Variants in CTNND2 observed in about 807,000 individuals in gnomAD.
The protein encoded by CTNND2 is catenin delta 2, also known as catenin delta-2.
CTNND2 carries 22 observed loss-of-function variants against 144.4 expected under a neutral mutation model. The ratio of observed to expected loss-of-function variants is 0.15; its 90% CI spans 0.11 to 0.22. CTNND2 has a LOEUF of 0.22. Among genes scored for constraint, CTNND2 ranks in the 10% least tolerant of loss-of-function variants. The pLI is 1.00. For missense variants in CTNND2, 1,353 were observed against 1,618.8 expected, an observed-to-expected ratio of 0.84 and a Z score of 2.82; for synonymous variants, 751 against 695.6, an observed-to-expected ratio of 1.08 and a Z score of -1.25.
intron 6 of CTNND2, among the ~76,000 whole-genome samples, chr5:11,389,913 C>T (rs1759482169): frequency 6.6e-6 from 1 of 152,194 alleles, no homozygotes; most frequent in Admixed American, 6.5e-5. Flanking sequence ...AACTTACCTT[C>T]AGGCTATGAG....
At chr5:11,474,891 T>G (rs1232735899) in intron 3 of CTNND2, among the ~76,000 whole-genome samples, 1 of 152,186 alleles carries the variant, frequency 6.6e-6, no homozygotes, top group Non-Finnish European at 1.5e-5. Flanking sequence ...CCGCCCTATG[T>G]ACACCTGCCC....
At chr5:11,213,436 G>A (rs1738848204) in intron 10 of CTNND2, among the ~76,000 whole-genome samples, 1 of 152,132 alleles carries the variant, frequency 6.6e-6, no homozygotes, top group South Asian at 2.1e-4. Flanking sequence ...AAAGAAAGCT[G>A]TTACCAGGGA....
At chr5:11,378,704 G>A (rs193222328) in intron 7 of CTNND2, among the ~76,000 whole-genome samples, 4 of 152,216 alleles carry the variant, frequency 2.6e-5, no homozygotes, top group African/African-American at 7.2e-5. Flanking sequence ...AAACAAACTC[G>A]TTCATTACCC....
At chr5:11,728,181 C>T (rs1787126561) in intron 2 of CTNND2, among the ~76,000 whole-genome samples, 1 of 151,938 alleles carries the variant, frequency 6.6e-6, no homozygotes, top group Admixed American at 6.6e-5. Context: ...AGTGAAAGCC[C>T]AGAAATGTCA....
At chr5:11,347,327 A>G (rs1266081040) in intron 8 of CTNND2, among the ~76,000 whole-genome samples, 2 of 152,212 alleles carry the variant, frequency 1.3e-5, no homozygotes, top group Non-Finnish European at 2.9e-5. Flanking sequence ...AGGCAGACAA[A>G]ATAAGGAGCT....
intron 1 of CTNND2, among the ~76,000 whole-genome samples, chr5:11,763,999 AAGTT>A (rs913716047): frequency 3.3e-5 from 5 of 152,078 alleles, no homozygotes; most frequent in East Asian, 1.9e-4. Flanking sequence ...GGGCACATGA[AAGTT>A]AGGTTTCTAA....
chr5:11,696,900 A>G (rs1484395301), intron 2 of CTNND2, among the ~76,000 whole-genome samples: 2 of 152,198 alleles, frequency 1.3e-5, no homozygotes, highest in Non-Finnish European at 2.9e-5. Flanking sequence ...TTAAAGATAC[A>G]TTTTTGCCCT....
At chr5:11,901,716 T>C (rs534401428) in intron 1 of CTNND2, among the ~76,000 whole-genome samples, 19 of 152,266 alleles carry the variant, frequency 1.2e-4, no homozygotes, top group East Asian at 3.9e-4. Flanking sequence ...AATCAGATAA[T>C]ATCATTTTCA....
At chr5:11,190,763 G>T (rs1228590286) in intron 11 of CTNND2, among the ~76,000 whole-genome samples, 1 of 152,170 alleles carries the variant, frequency 6.6e-6, no homozygotes. Flanking sequence ...GAGACCTAGG[G>T]CCTACAAGCT....
chr5:11,389,623 G>T (rs1561321853), intron 6 of CTNND2, among the ~76,000 whole-genome samples: 1 of 152,060 alleles, frequency 6.6e-6, no homozygotes, highest in Non-Finnish European at 1.5e-5. Flanking sequence ...GAAATGGGAA[G>T]TTAGGGAATA....
rs934320913 is a variant in CTNND2, at chr5:10,972,877, T to C, written c.*576A>G. The C allele has an allele frequency of 2.0e-5, 3 of 152,278 alleles. No homozygotes were observed. The highest frequency in any genetic ancestry group is 2.4e-5 in the African/African-American group (1 of 41,296). 9.4% of individuals were successfully genotyped at this position (152,278 alleles called of 1,614,324 possible). ...GAAATTGAAGCAATATTTAGAACCA[T>C]AGATGAGGAAACACGGCGGCATTGG... is the stretch of plus-strand genomic sequence containing the variant. On this transcript the variant is annotated 3_prime_UTR_variant, in exon 22 of 22. Coordinates refer to ENST00000304623, the MANE Select transcript of CTNND2 (RefSeq NM_001332.4).
At chr5:11,771,781 T>A (rs1368634025) in intron 1 of CTNND2, among the ~76,000 whole-genome samples, 2 of 152,220 alleles carry the variant, frequency 1.3e-5, no homozygotes, top group Non-Finnish European at 2.9e-5. Context: ...TTAAAAGAGA[T>A]TAGAATGGAA....
rs563012544 is a variant in CTNND2 at position 11,514,156 on chromosome 5, G to C, written c.287+50788C>G. Among the ~76,000 whole-genome samples, 65 of 151,594 alleles carry C rather than the reference G, an allele frequency of 4.3e-4. 1 individual carries two copies. In the South Asian group the frequency reaches 5.8e-3, roughly 14 times the overall value. On this transcript the variant is annotated intron_variant, in intron 3 of 21. Coordinates refer to ENST00000304623, the MANE Select transcript of CTNND2 (RefSeq NM_001332.4). ...GCTATGATCATGCCACTGCATTGTAGCCTGGACAACACAGCAAGACCCTGT... is the reference window on the plus strand; with the variant it reads ...GCTATGATCATGCCACTGCATTGTACCCTGGACAACACAGCAAGACCCTGT...
chr5:11,475,454 C>T (rs1767636426), intron 3 of CTNND2, among the ~76,000 whole-genome samples: 1 of 152,106 alleles, frequency 6.6e-6, no homozygotes, highest in Non-Finnish European at 1.5e-5. Context: ...TATTATGTAC[C>T]TAATTTGAGT....
chr5:11,840,260 C>A lies in CTNND2; in HGVS notation c.37+63557G>T, dbSNP rs149587963. Among the ~76,000 whole-genome samples the A allele has an allele frequency of 9.6e-3, 1,466 of 152,228 alleles. 12 individuals are homozygous for A. Among genetic ancestry groups the A allele is most frequent in the Middle Eastern group, 0.027 (8 of 294 alleles). ...TTCCAAAACACAAACTGGATCAACA[C>A]AAAATCGCTCATCAAAGATGCTTAA... On this transcript the variant is annotated intron_variant, in intron 1 of 21. Transcript: ENST00000304623.
chr5:11,506,632 C>T (rs993133936), intron 3 of CTNND2, among the ~76,000 whole-genome samples: 2 of 152,198 alleles, frequency 1.3e-5, no homozygotes, highest in African/African-American at 4.8e-5. Context: ...TTTTAGTATG[C>T]ATATGTGTCC....
intron 3 of CTNND2, among the ~76,000 whole-genome samples, chr5:11,545,776 CAT>C (rs901076801): frequency 2.0e-5 from 3 of 150,322 alleles, no homozygotes; most frequent in Non-Finnish European, 4.4e-5. Context: ...GAAATACAAA[CAT>C]GTGTGTCCAC....
chr5:10,997,375 C>T (rs572446306), intron 18 of CTNND2, among the ~76,000 whole-genome samples: 3 of 152,144 alleles, frequency 2.0e-5, no homozygotes, highest in East Asian at 1.9e-4. Flanking sequence ...GGGCAGATCA[C>T]GAGGTCAAGA....
At chr5:11,087,237 T>C (rs1040722627) in intron 15 of CTNND2, among the ~76,000 whole-genome samples, 6 of 152,196 alleles carry the variant, frequency 3.9e-5, no homozygotes, top group African/African-American at 1.2e-4. Context: ...TCTGAATTTA[T>C]TTACAATACC....
Sources: allele counts gnomAD v4.1 joint callset (sites outside exome capture counted in the v4.1 genomes callset), GRCh38; gene constraint gnomAD v4.1.1; transcripts MANE v1.5; gene names NCBI Gene and HGNC (gene_info 2026-07-23, HGNC 2026-07-21).